Variants in HTR3B observed in about 807,000 individuals in gnomAD.
HTR3B encodes 5-hydroxytryptamine receptor 3B.
Under a neutral mutation model 42.8 loss-of-function variants are expected in HTR3B, and 44 were observed. The ratio of observed to expected loss-of-function variants is 1.03; its 90% CI spans 0.81 to 1.32. The LOEUF is 1.32. Among genes scored for constraint, HTR3B ranks in the 40% most tolerant of loss-of-function variants. HTR3B has a pLI of 0.00. For synonymous variants in HTR3B, 203 were observed against 209.0 expected (o/e 0.97, Z 0.25); for missense variants, 527 against 536.5 (o/e 0.98, Z 0.17).
At chr11:113,899,633 G>A in the HTR3B span, among the ~76,000 whole-genome samples, 108,089 of 152,144 alleles carry the variant, frequency 0.71, 39,827 homozygotes, top group African/African-American at 0.91. Flanking sequence ...GGATTTACTG[G>A]TATAGCAGTA....
chr11:113,931,286 A>G (rs1382853176), intron 2 of HTR3B, 98 bp from the exon 3 acceptor site: 6 of 836,774 alleles, frequency 7.2e-6, no homozygotes, highest in Admixed American at 2.4e-5. Context: ...TTATTTGGTT[A>G]GATTTGATTT....
intron 6 of HTR3B, among the ~76,000 whole-genome samples, chr11:113,941,410 T>C (rs1332603815): frequency 2.6e-5 from 4 of 152,162 alleles, no homozygotes; most frequent in Non-Finnish European, 5.9e-5. Flanking sequence ...TGTGTGCTTA[T>C]TAAAGACACT....
intron 2 of HTR3B, among the ~76,000 whole-genome samples, chr11:113,914,547 A>G (rs77820844): frequency 0.094 from 14,302 of 151,496 alleles, 824 homozygotes; most frequent in Middle Eastern, 0.19. Flanking sequence ...CAGGGACACA[A>G]TCTCACCTCA....
Position 113,946,337 on chromosome 11 carries a change from C to T in HTR3B, c.*200C>T, listed in dbSNP as rs1194065854. ...GCAACATAGTGAGACCACATCTCTA[C>T]CAGTAAATAAATAAATAAATAAATA... On this transcript the variant is annotated 3_prime_UTR_variant, in exon 9 of 9. Coordinates refer to ENST00000260191, the MANE Select transcript of HTR3B (RefSeq NM_006028.5). The T allele has an allele frequency of 1.8e-5, 7 of 379,634 alleles. No individual in the cohort carries two copies. Among genetic ancestry groups the T allele is most frequent in the Non-Finnish European group, 2.3e-5 (5 of 212,998 alleles). The allele number at this position is 379,634 out of a possible 1,614,324, so 23.5% of individuals were successfully genotyped here.
intron 6 of HTR3B, among the ~76,000 whole-genome samples, chr11:113,941,670 G>T (rs1388692250): frequency 6.6e-6 from 1 of 152,136 alleles, no homozygotes; most frequent in African/African-American, 2.4e-5. Flanking sequence ...GAGGAAGCAG[G>T]CAGGGGAAGC....
At chr11:113,919,736 G>A (rs1437360222) in intron 2 of HTR3B, among the ~76,000 whole-genome samples, 2 of 151,930 alleles carry the variant, frequency 1.3e-5, no homozygotes, top group Admixed American at 6.6e-5. Flanking sequence ...ACCGAGGCAG[G>A]AGAATTGCTT....
intron 2 of HTR3B, among the ~76,000 whole-genome samples, chr11:113,909,799 A>G (rs1295622098): frequency 1.3e-5 from 2 of 152,044 alleles, no homozygotes; most frequent in African/African-American, 2.4e-5. Context: ...CCTAGGCAGC[A>G]TGGTGAAACC....
chr11:113,904,538 G>C (rs1041873512), upstream of HTR3B: 2 of 164,406 alleles, frequency 1.2e-5, no homozygotes, highest in African/African-American at 4.8e-5. Flanking sequence ...TTAGTGTCCT[G>C]AATGTCAGCA....
intron 2 of HTR3B, among the ~76,000 whole-genome samples, chr11:113,921,377 C>T (rs1395851358): frequency 3.9e-5 from 6 of 152,038 alleles, no homozygotes; most frequent in African/African-American, 1.4e-4. Flanking sequence ...AACTCCTGAC[C>T]TTGTGATCTG....
Position 113,931,557 on chromosome 11 carries a change from ATTATAATTCATTTAAGATGTATGGCCCT to A in HTR3B, c.258+130_258+157del, listed in dbSNP as rs1950035039. 6 of 699,002 alleles carry A rather than the reference ATTATAATTCATTTAAGATGTATGGCCCT, an allele frequency of 8.6e-6. No individual in the cohort carries two copies. The African/African-American group carries it at 1.1e-4, about 13-fold the overall frequency. 43.3% of individuals were successfully genotyped at this position (699,002 alleles called of 1,614,324 possible). A position where few individuals can be genotyped will look rare whatever the true frequency, so the allele number is the denominator to read the frequency against. On this transcript the variant is annotated intron_variant, in intron 3 of 8. Transcript: ENST00000260191. ...CTTAGATCTGCAGCAGACCTAATGT[ATTATAATTCATTTAAGATGTATGGCCCT>A]GGTTTCTGGTTGGGACTACCATCTT... is the stretch of plus-strand genomic sequence containing the variant.
intron 5 of HTR3B, among the ~76,000 whole-genome samples, 154 bp from the exon 6 acceptor site, chr11:113,932,782 T>G (rs1950049759): frequency 6.6e-6 from 1 of 152,212 alleles, no homozygotes; most frequent in South Asian, 2.1e-4. Context: ...AAGATTTTAT[T>G]CCACATCCCT....
upstream of HTR3B, among the ~76,000 whole-genome samples, chr11:113,902,297 G>GT (rs1009535275): frequency 1.2e-3 from 184 of 148,766 alleles, no homozygotes; most frequent in African/African-American, 3.7e-3. Context: ...TTTGTTTTTT[G>GT]TTTTTTTTTT....
Position 113,943,080 on chromosome 11 carries a change from C to A in HTR3B, c.795C>A (p.Pro265=). 6.2e-7 allele frequency: 1 copy of A among 1,614,048 alleles called. No homozygotes were observed. Among genetic ancestry groups the A allele is most frequent in the Non-Finnish European group, 8.5e-7 (1 of 1,179,992 alleles). The stretch of plus-strand genomic sequence containing the variant: ...ACCTGGGGAGCTTCTACCTGCCACC[C>A]AACTGCCGAGCCAGGATTGTGTTCA... ...LVDLGSFYLP[P]NCRARIVFKT... Residue 265 remains proline (P), a synonymous_variant, in exon 7 of 9, where the codon CCC becomes CCA. Transcript: ENST00000260191.
chr11:113,945,706 C>T (rs562482360), intron 8 of HTR3B, among the ~76,000 whole-genome samples, 196 bp from the exon 9 acceptor site: 7 of 152,302 alleles, frequency 4.6e-5, no homozygotes, highest in African/African-American at 1.2e-4. Flanking sequence ...ACAGCTCTGA[C>T]GTGTTCTCTG....
At chr11:113,903,533 A>G (rs1949710806), upstream of HTR3B, among the ~76,000 whole-genome samples, 1 of 149,620 alleles carries the variant, frequency 6.7e-6, no homozygotes, top group Admixed American at 6.7e-5. Flanking sequence ...GATTCAAACA[A>G]TTCCCCTGCC....
At chr11:113,929,131 A>G (rs541053916) in intron 2 of HTR3B, among the ~76,000 whole-genome samples, 3 of 152,330 alleles carry the variant, frequency 2.0e-5, no homozygotes, top group Non-Finnish European at 4.4e-5. Flanking sequence ...CATTTCCACC[A>G]ACAGTGCACA....
rs1950178450 is a variant in HTR3B at position 113,946,224 on chromosome 11, GGT to G, written c.*91_*92del. On this transcript the variant is annotated 3_prime_UTR_variant, in exon 9 of 9. Transcript: ENST00000260191. ...GTGGGTTAAAAAGCTTTCTGGGTCG[GGT>G]GTGGTGGTTCTTGCCTATAGTCCCA... 9.6e-7 allele frequency: 1 copy of G among 1,042,490 alleles called. No homozygotes were observed. Among genetic ancestry groups the G allele is most frequent in the South Asian group, 1.4e-5 (1 of 71,930 alleles). The allele number at this position is 1,042,490 out of a possible 1,614,324, so 64.6% of individuals were successfully genotyped here.
chr11:113,909,853 G>GC (rs1240178802), intron 2 of HTR3B, among the ~76,000 whole-genome samples: 2 of 151,964 alleles, frequency 1.3e-5, no homozygotes, highest in Non-Finnish European at 2.9e-5. Flanking sequence ...CCATGGTGAT[G>GC]CATGCCTGTA....
In HTR3B at chr11:113,944,456, G is replaced by A. The variant is rs1950160753; in HGVS notation, c.908-117G>A. 7 of 872,372 alleles carry A rather than the reference G, an allele frequency of 8.0e-6. No homozygotes were observed. The South Asian group carries it at 1.1e-4, about 14-fold the overall frequency. The allele number at this position is 872,372 out of a possible 1,614,324, so 54.0% of individuals were successfully genotyped here. A position where few individuals can be genotyped will look rare whatever the true frequency, so the allele number is the denominator to read the frequency against. On this transcript the variant is annotated intron_variant, in intron 7 of 8. Transcript: ENST00000260191. Reference sequence around the variant, plus strand: ...GTTAAGGCTACAGTGAGCCATGATTGCACCACTGCACTCCAGCTTGGGCAA... The same window carrying A: ...GTTAAGGCTACAGTGAGCCATGATTACACCACTGCACTCCAGCTTGGGCAA...
Sources: allele counts gnomAD v4.1 joint callset (sites outside exome capture counted in the v4.1 genomes callset), GRCh38; gene constraint gnomAD v4.1.1; transcripts MANE v1.5; gene names NCBI Gene and HGNC (gene_info 2026-07-23, HGNC 2026-07-21).